UNC5C: variants seen among roughly 807,000 people sequenced by gnomAD.
UNC5C encodes unc-5 netrin receptor C.
A neutral mutation model predicts 99.8 loss-of-function variants in UNC5C; 47 were observed. That is an observed-to-expected ratio of 0.47 (90% confidence interval 0.37 to 0.60). The LOEUF (loss-of-function observed/expected upper bound fraction) is 0.60, where lower values mean the gene tolerates loss of function less well. Ranked by LOEUF, UNC5C falls within the 20% of genes least tolerant of loss-of-function variation. The probability of loss-of-function intolerance (pLI) is 0.00; values close to 1 mark genes in which losing one functional copy is unlikely to be tolerated. For synonymous variants in UNC5C, 487 were observed against 452.2 expected, an observed-to-expected ratio of 1.08 and a Z score of -0.98; for missense variants, 1,062 against 1,165.9, an observed-to-expected ratio of 0.91 and a Z score of 1.30.
intron 2 of UNC5C, among the ~76,000 whole-genome samples, chr4:95,320,437 AAGAAAAG>A (rs775182754): frequency 2.3e-4 from 33 of 141,768 alleles, no homozygotes; most frequent in Non-Finnish European, 1.1e-4. Flanking sequence ...AAAAAAAAAA[AAGAAAAG>A]AAAAGAAAAG....
intron 1 of UNC5C, among the ~76,000 whole-genome samples, chr4:95,418,322 T>C (rs1405004936): frequency 3.3e-5 from 5 of 152,232 alleles, no homozygotes; most frequent in Non-Finnish European, 7.3e-5. Context: ...TCTAAAATTA[T>C]ACAAGTTTCA....
At chr4:95,440,064 C>T (rs1268655908) in intron 1 of UNC5C, among the ~76,000 whole-genome samples, 2 of 152,244 alleles carry the variant, frequency 1.3e-5, no homozygotes, top group Non-Finnish European at 2.9e-5. Flanking sequence ...GCTGCTTCTG[C>T]TTTCCATTGG....
chr4:95,428,255 G>T (rs1227989068), intron 1 of UNC5C, among the ~76,000 whole-genome samples: 3 of 151,996 alleles, frequency 2.0e-5, no homozygotes, highest in African/African-American at 7.2e-5. Flanking sequence ...AAATTGGGTT[G>T]TTGGCCACCA....
intron 12 of UNC5C, among the ~76,000 whole-genome samples, chr4:95,187,892 G>GGAAA (rs1560721040): frequency 6.6e-6 from 1 of 152,110 alleles, no homozygotes; most frequent in East Asian, 1.9e-4. Context: ...TAAACCCTGG[G>GGAAA]GAAAGACAAA....
chr4:95,343,763 A>G (rs1743665732), intron 1 of UNC5C, among the ~76,000 whole-genome samples: 1 of 152,142 alleles, frequency 6.6e-6, no homozygotes, highest in Non-Finnish European at 1.5e-5. Flanking sequence ...GCAAGCAGAA[A>G]TTCTGGAGCT....
At chr4:95,538,618 T>C (rs2149495185) in intron 1 of UNC5C, among the ~76,000 whole-genome samples, 1 of 152,292 alleles carries the variant, frequency 6.6e-6, no homozygotes, top group South Asian at 2.1e-4. Flanking sequence ...CAATGAATGG[T>C]ATATGTATGA....
In UNC5C at chr4:95,448,227, T is replaced by TGAGAGAGA. The variant is rs1208781802; in HGVS notation, c.124+100499_124+100506dup. On this transcript the variant is annotated intron_variant, in intron 1 of 15. Coordinates refer to ENST00000453304, the MANE Select transcript of UNC5C (RefSeq NM_003728.4). ...GTGTGTGTGTGTGTGTGTGTGTGTGTGAGAGAGAGAGAGAGAGAGAGAGAG... is the reference window on the plus strand; with the variant it reads ...GTGTGTGTGTGTGTGTGTGTGTGTGTGAGAGAGAGAGAGAGAGAGAGAGAGAGAGAGAG... 5.1e-3 allele frequency among the ~76,000 whole-genome samples: 510 copies of TGAGAGAGA among 100,124 alleles called. 10 individuals are homozygous for TGAGAGAGA. Among genetic ancestry groups the TGAGAGAGA allele is most frequent in the African/African-American group, 0.019 (465 of 24,810 alleles). 65.7% of individuals were successfully genotyped at this position (100,124 alleles called of 152,430 possible).
chr4:95,492,269 A>T (rs1721514178), intron 1 of UNC5C, among the ~76,000 whole-genome samples: 1 of 150,778 alleles, frequency 6.6e-6, no homozygotes, highest in Admixed American at 6.6e-5. Flanking sequence ...ATAGCTCATA[A>T]CTCTTTATAT....
chr4:95,268,101 C>T (rs1740517093), intron 4 of UNC5C, among the ~76,000 whole-genome samples: 1 of 151,982 alleles, frequency 6.6e-6, no homozygotes, highest in South Asian at 2.1e-4. Context: ...AGGCGCCCGC[C>T]ACCGCGCCCG....
chr4:95,286,241 T>C (rs1019501194), intron 3 of UNC5C, among the ~76,000 whole-genome samples: 1 of 152,190 alleles, frequency 6.6e-6, no homozygotes. Context: ...GGGCTAATAA[T>C]TGAAGGTGAT....
intron 3 of UNC5C, among the ~76,000 whole-genome samples, chr4:95,301,328 T>G (rs1741866666): frequency 6.6e-6 from 1 of 151,474 alleles, no homozygotes; most frequent in African/African-American, 2.4e-5. Flanking sequence ...CCCGAGTAAC[T>G]GGGACTACAG....
At chr4:95,504,996 T>C (rs1236940054) in intron 1 of UNC5C, among the ~76,000 whole-genome samples, 1 of 152,114 alleles carries the variant, frequency 6.6e-6, no homozygotes, top group African/African-American at 2.4e-5. Flanking sequence ...GACTTACGCT[T>C]ATTTACCCAA....
At chr4:95,491,008 A>G (rs1721470410) in intron 1 of UNC5C, among the ~76,000 whole-genome samples, 2 of 151,582 alleles carry the variant, frequency 1.3e-5, no homozygotes, top group South Asian at 4.1e-4. Flanking sequence ...CATGGAACAG[A>G]GTAGGCGCTT....
chr4:95,293,560 T>A (rs921466616), intron 3 of UNC5C, among the ~76,000 whole-genome samples: 3 of 152,072 alleles, frequency 2.0e-5, no homozygotes, highest in African/African-American at 7.2e-5. Flanking sequence ...GTGCAAGTGA[T>A]CCTCCCACCT....
intron 7 of UNC5C, among the ~76,000 whole-genome samples, chr4:95,232,199 TTA>T (rs1475728868): frequency 3.3e-5 from 5 of 151,196 alleles, no homozygotes; most frequent in African/African-American, 1.2e-4. Flanking sequence ...ATAAACTATA[TTA>T]TGTTTTATAT....
intron 1 of UNC5C, among the ~76,000 whole-genome samples, chr4:95,340,071 C>T (rs1743505319): frequency 6.6e-6 from 1 of 151,858 alleles, no homozygotes; most frequent in Admixed American, 6.6e-5. Flanking sequence ...TTCATTTATA[C>T]CCAAGAAGAG....
At chr4:95,292,774 T>C (rs1337400484) in intron 3 of UNC5C, among the ~76,000 whole-genome samples, 2 of 152,212 alleles carry the variant, frequency 1.3e-5, no homozygotes, top group Non-Finnish European at 2.9e-5. Flanking sequence ...GAATAGTATC[T>C]TCACTTTTCC....
At chr4:95,295,822 C>T (rs553953384) in intron 3 of UNC5C, among the ~76,000 whole-genome samples, 6 of 152,302 alleles carry the variant, frequency 3.9e-5, no homozygotes, top group Non-Finnish European at 7.3e-5. Context: ...CAGTGGCTCA[C>T]GCCTATAATC....
At chr4:95,331,055 T>C (rs1252589292) in intron 2 of UNC5C, among the ~76,000 whole-genome samples, 4 of 152,148 alleles carry the variant, frequency 2.6e-5, no homozygotes, top group Admixed American at 1.3e-4. Context: ...CAAGTGAGAA[T>C]ATGTGGCATT....
Sources: allele counts gnomAD v4.1 joint callset (sites outside exome capture counted in the v4.1 genomes callset), GRCh38; gene constraint gnomAD v4.1.1; transcripts MANE v1.5; gene names NCBI Gene and HGNC (gene_info 2026-07-23, HGNC 2026-07-21).